Variants in FER observed in about 807,000 individuals in gnomAD.
FER encodes the protein FER tyrosine kinase, also known as tyrosine-protein kinase Fer.
In FER, 63 loss-of-function variants were observed where a neutral mutation model predicts 111.0. The ratio of observed to expected loss-of-function variants is 0.57; its 90% confidence interval spans 0.46 to 0.70. The LOEUF (loss-of-function observed/expected upper bound fraction) is 0.70. Ranked by LOEUF, FER falls within the 30% of genes least tolerant of loss-of-function variation. The pLI is 0.00. For synonymous variants in FER, 327 were observed against 313.9 expected (o/e 1.04, Z -0.44); for missense variants, 914 against 954.0 (o/e 0.96, Z 0.55).
chr5:109,090,501 C>A (rs929405311), intron 16 of FER, among the ~76,000 whole-genome samples: 2 of 151,860 alleles, frequency 1.3e-5, no homozygotes, highest in South Asian at 4.2e-4. Flanking sequence ...AGGCCAACCC[C>A]CAAAGAAACA....
intron 10 of FER, among the ~76,000 whole-genome samples, chr5:108,901,569 T>C (rs916311023): frequency 6.6e-6 from 1 of 152,176 alleles, no homozygotes; most frequent in African/African-American, 2.4e-5. Context: ...ATGGCACACC[T>C]GTAAGGGAAT....
intron 10 of FER, among the ~76,000 whole-genome samples, chr5:108,907,870 T>C (rs1751012555): frequency 6.6e-6 from 1 of 152,126 alleles, no homozygotes; most frequent in Non-Finnish European, 1.5e-5. Flanking sequence ...GATTTAGACA[T>C]CAATTGATTG....
intron 2 of FER, among the ~76,000 whole-genome samples, chr5:108,772,597 A>G (rs530949863): frequency 6.6e-6 from 1 of 152,278 alleles, no homozygotes; most frequent in East Asian, 1.9e-4. Flanking sequence ...AGATAGCTGG[A>G]GATAACATTG....
At chr5:108,908,553 G>A (rs986202649) in intron 10 of FER, among the ~76,000 whole-genome samples, 1 of 152,004 alleles carries the variant, frequency 6.6e-6, no homozygotes, top group Non-Finnish European at 1.5e-5. Flanking sequence ...AGTCATTCCA[G>A]CCTATACAAT....
intron 17 of FER, among the ~76,000 whole-genome samples, chr5:109,116,467 A>G (rs1750259992): frequency 1.3e-5 from 2 of 151,634 alleles, no homozygotes; most frequent in African/African-American, 4.8e-5. Context: ...GTGTCAATGT[A>G]TTGCTTCATT....
chr5:109,079,272 A>G (rs1776719232), intron 16 of FER, among the ~76,000 whole-genome samples: 1 of 152,140 alleles, frequency 6.6e-6, no homozygotes, highest in Non-Finnish European at 1.5e-5. Context: ...GGCAAAGGGT[A>G]CAGAGAAGAA....
intron 17 of FER, among the ~76,000 whole-genome samples, chr5:109,132,713 G>T (rs978707623): frequency 5.9e-5 from 9 of 152,164 alleles, no homozygotes; most frequent in Admixed American, 5.2e-4. Context: ...CTGGGTAGAG[G>T]TTTGGAGGAT....
At chr5:108,965,756 C>T (rs987563290) in intron 13 of FER, among the ~76,000 whole-genome samples, 2 of 152,130 alleles carry the variant, frequency 1.3e-5, no homozygotes, top group African/African-American at 4.8e-5. Context: ...TTTTTCTATA[C>T]TCCAATATTT....
chr5:108,843,786 C>CA (rs1323600950), intron 5 of FER, among the ~76,000 whole-genome samples: 1 of 151,830 alleles, frequency 6.6e-6, no homozygotes, highest in Non-Finnish European at 1.5e-5. Flanking sequence ...CTCAGCCTCC[C>CA]AAAGTGCTAG....
intron 3 of FER, among the ~76,000 whole-genome samples, chr5:108,814,487 T>G (rs9885428): frequency 0.23 from 34,770 of 152,126 alleles, 4,156 homozygotes; most frequent in African/African-American, 0.28. Flanking sequence ...AAAAGATCAT[T>G]GGGAGATGTG....
chr5:109,053,331 C>G (rs1773110721), intron 16 of FER, among the ~76,000 whole-genome samples: 1 of 135,794 alleles, frequency 7.4e-6, no homozygotes, highest in Non-Finnish European at 1.5e-5. Context: ...TGCAGTGAGC[C>G]AAGATCATGC....
At chr5:109,001,430 A>C (rs958263955) in intron 13 of FER, among the ~76,000 whole-genome samples, 1 of 152,238 alleles carries the variant, frequency 6.6e-6, no homozygotes, top group East Asian at 1.9e-4. Context: ...ACAAAATTCA[A>C]CAACCATTCA....
intron 5 of FER, among the ~76,000 whole-genome samples, chr5:108,866,012 G>T (rs1764017144): frequency 6.6e-6 from 1 of 152,182 alleles, no homozygotes; most frequent in Non-Finnish European, 1.5e-5. Flanking sequence ...TTCAACCATT[G>T]TGGAAGTCAG....
intron 2 of FER, among the ~76,000 whole-genome samples, chr5:108,783,094 T>C (rs564619859): frequency 8.5e-5 from 13 of 152,308 alleles, no homozygotes; most frequent in Admixed American, 6.5e-4. Flanking sequence ...ACTCTGATGA[T>C]ACAAATGTTG....
At chr5:108,831,006 A>T (rs1759988406) in intron 3 of FER, among the ~76,000 whole-genome samples, 1 of 152,162 alleles carries the variant, frequency 6.6e-6, no homozygotes, top group African/African-American at 2.4e-5. Context: ...GGGTTGACAG[A>T]GTGGCAATAT....
At chr5:109,123,254 C>T (rs1444465875) in intron 17 of FER, among the ~76,000 whole-genome samples, 2 of 148,918 alleles carry the variant, frequency 1.3e-5, no homozygotes, top group Admixed American at 6.7e-5. Context: ...CTCCCGGGTT[C>T]ACGCCATTCT....
intron 7 of FER, among the ~76,000 whole-genome samples, chr5:108,871,821 A>G (rs184980894): frequency 1.7e-4 from 26 of 152,034 alleles, no homozygotes; most frequent in African/African-American, 5.8e-4. Context: ...ACACTTTATG[A>G]TGCGCCAAAT....
intron 16 of FER, among the ~76,000 whole-genome samples, chr5:109,052,663 C>G (rs1056225524): frequency 2.0e-5 from 3 of 152,202 alleles, no homozygotes; most frequent in Admixed American, 6.5e-5. Context: ...AGCTGCTACT[C>G]TCTACTTTTA....
chr5:109,045,132 A>G (rs1453340978), intron 15 of FER, among the ~76,000 whole-genome samples: 2 of 151,986 alleles, frequency 1.3e-5, no homozygotes, highest in Non-Finnish European at 2.9e-5. Flanking sequence ...GCTCACATAT[A>G]CATTTAAGTA....
Sources: allele counts gnomAD v4.1 joint callset (sites outside exome capture counted in the v4.1 genomes callset), GRCh38; gene constraint gnomAD v4.1.1; transcripts MANE v1.5; gene names NCBI Gene and HGNC (gene_info 2026-07-23, HGNC 2026-07-21).